Variants in AVEN observed in about 807,000 individuals in gnomAD.
AVEN encodes the protein cell death regulator Aven.
In AVEN, 41 loss-of-function variants were observed where a neutral mutation model predicts 38.1. That is an observed-to-expected ratio of 1.08 (90% CI 0.84 to 1.40). The LOEUF (loss-of-function observed/expected upper bound fraction) is 1.40. Among genes scored for constraint, AVEN ranks in the 40% most tolerant of loss-of-function variants. The pLI, the probability that AVEN is intolerant of heterozygous loss-of-function variation, is 0.00. For missense variants in AVEN, 605 were observed against 438.8 expected (o/e 1.38, Z -3.38); for synonymous variants, 206 against 171.8 (o/e 1.20, Z -1.56).
At chr15:33,853,874 G>C (rs2079363209), downstream of AVEN, among the ~76,000 whole-genome samples, 1 of 152,064 alleles carries the variant, frequency 6.6e-6, no homozygotes, top group Admixed American at 6.6e-5. Flanking sequence ...ATGCCCTATA[G>C]AGCTGAAAGA....
At chr15:34,015,974 T>C (rs1357905345) in intron 1 of AVEN, among the ~76,000 whole-genome samples, 1 of 152,212 alleles carries the variant, frequency 6.6e-6, no homozygotes, top group Non-Finnish European at 1.5e-5. Context: ...GTAACCATTA[T>C]GTGACATAAA....
At chr15:34,040,676 C>T (rs903353284), upstream of AVEN, among the ~76,000 whole-genome samples, 1 of 152,044 alleles carries the variant, frequency 6.6e-6, no homozygotes, top group Non-Finnish European at 1.5e-5. Context: ...GCCTGTAATC[C>T]CAGCATTTTG....
chr15:34,000,964 AAAAT>A (rs1224231789), intron 2 of AVEN, among the ~76,000 whole-genome samples: 1 of 152,188 alleles, frequency 6.6e-6, no homozygotes, highest in Non-Finnish European at 1.5e-5. Flanking sequence ...ATAAAATGCT[AAAAT>A]AAATAACCAA....
At chr15:33,996,232 G>A (rs1295178769) in intron 2 of AVEN, among the ~76,000 whole-genome samples, 3 of 152,232 alleles carry the variant, frequency 2.0e-5, no homozygotes, top group African/African-American at 7.2e-5. Context: ...TGCCTCTGTA[G>A]ACCCCACCCC....
intron 2 of AVEN, among the ~76,000 whole-genome samples, chr15:33,932,228 A>G (rs1298590998): frequency 1.3e-5 from 2 of 152,220 alleles, no homozygotes; most frequent in Non-Finnish European, 2.9e-5. Flanking sequence ...ACTAAATAAC[A>G]TATACCCAAT....
downstream of AVEN, among the ~76,000 whole-genome samples, chr15:33,853,885 T>C (rs1253051418): frequency 6.6e-6 from 1 of 152,118 alleles, no homozygotes; most frequent in African/African-American, 2.4e-5. Flanking sequence ...AGCTGAAAGA[T>C]AAAGACTTAA....
chr15:34,020,713 G>A (rs562100043), intron 1 of AVEN, among the ~76,000 whole-genome samples: 7 of 152,116 alleles, frequency 4.6e-5, no homozygotes, highest in Admixed American at 1.3e-4. Context: ...ACTGAATTAC[G>A]ACCTTACTCT....
intron 1 of AVEN, among the ~76,000 whole-genome samples, chr15:34,014,723 G>A (rs1013373687): frequency 1.3e-5 from 2 of 152,086 alleles, no homozygotes; most frequent in African/African-American, 2.4e-5. Flanking sequence ...TGGGAACAGC[G>A]GCTAAATATG....
rs1567460464 is a variant in AVEN, at chr15:34,003,164, C to T, written c.313G>A (p.Glu105Lys). 1.4e-5 allele frequency: 22 copies of T among 1,613,760 alleles called. No homozygotes were observed. Among genetic ancestry groups the T allele is most frequent in the Non-Finnish European group, 1.9e-5 (22 of 1,179,890 alleles). Residue 105 changes from glutamate (E) to lysine (K), a missense_variant, in exon 2 of 6, where the codon GAA becomes AAA. Glu to Lys is a moderately conservative substitution (Grantham distance 56, BLOSUM62 1). Transcript: ENST00000306730. ...DAETYGEEND[E>K]QGNYSKRKIV... ...TTTCTTTTAGAATAATTTCCCTGTTCATCATTCTCTTCTCCATAGGTCTCT... is the reference window on the plus strand; with the variant it reads ...TTTCTTTTAGAATAATTTCCCTGTTTATCATTCTCTTCTCCATAGGTCTCT...
At chr15:33,879,503 G>A (rs1891394721) in intron 2 of AVEN, among the ~76,000 whole-genome samples, 1 of 151,840 alleles carries the variant, frequency 6.6e-6, no homozygotes, top group Admixed American at 6.6e-5. Context: ...GTATACATAT[G>A]TAACTAACCT....
chr15:33,868,352 T>A lies in AVEN; in HGVS notation c.613-497A>T, dbSNP rs564200033. 4.0e-5 allele frequency among the ~76,000 whole-genome samples: 6 copies of A among 150,162 alleles called. No homozygotes were observed. In the Middle Eastern group the frequency reaches 0.014, roughly 350 times the overall value. On this transcript the variant is annotated intron_variant, in intron 4 of 5. Coordinates refer to ENST00000306730, the MANE Select transcript of AVEN (RefSeq NM_020371.3). Reference sequence around the variant, plus strand: ...TCCTGGCTAACATGGTGAAACCCTGTCTCTACTAAACAAACAAACAAACAA... The same window carrying A: ...TCCTGGCTAACATGGTGAAACCCTGACTCTACTAAACAAACAAACAAACAA...
At chr15:33,857,668 C>T (rs1467929623), downstream of AVEN, 21 of 1,365,520 alleles carry the variant, frequency 1.5e-5, no homozygotes, top group Non-Finnish European at 2.1e-5. Context: ...TTCCCCATTT[C>T]CTCTCCTTGC....
At chr15:33,996,380 AG>A (rs1261750127) in intron 2 of AVEN, among the ~76,000 whole-genome samples, 1 of 152,178 alleles carries the variant, frequency 6.6e-6, no homozygotes, top group Non-Finnish European at 1.5e-5. Flanking sequence ...TGCCTCCTCA[AG>A]TGGGTCCCTG....
rs1002213084 is a variant in AVEN at position 33,905,035 on chromosome 15, C to T, written c.446-29040G>A. 6.7e-5 allele frequency among the ~76,000 whole-genome samples: 10 copies of T among 149,166 alleles called. 1 individual carries two copies. Among genetic ancestry groups the T allele is most frequent in the African/African-American group, 2.5e-4 (10 of 39,990 alleles). ...ATCCCAGCTACTCAGGAGGCTGAGGCAGGAGAATCACTTGAACCTGGGAGG... is the reference window on the plus strand; with the variant it reads ...ATCCCAGCTACTCAGGAGGCTGAGGTAGGAGAATCACTTGAACCTGGGAGG... On this transcript the variant is annotated intron_variant, in intron 2 of 5. Coordinates refer to ENST00000306730, the MANE Select transcript of AVEN (RefSeq NM_020371.3).
chr15:33,924,230 T>C (rs565961814), intron 2 of AVEN, among the ~76,000 whole-genome samples: 60 of 151,946 alleles, frequency 3.9e-4, no homozygotes, highest in Admixed American at 1.4e-3. Context: ...ACGGTAGTCC[T>C]CTGCAGAGAA....
chr15:33,985,009 GAACCTT>G (rs1392024675), intron 2 of AVEN, among the ~76,000 whole-genome samples: 2 of 152,052 alleles, frequency 1.3e-5, no homozygotes, highest in Admixed American at 1.3e-4. Flanking sequence ...TTGACCAGCT[GAACCTT>G]TCCTGGGTTA....
chr15:33,933,945 T>G (rs1460642129), intron 2 of AVEN, among the ~76,000 whole-genome samples: 1 of 152,214 alleles, frequency 6.6e-6, no homozygotes, highest in East Asian at 1.9e-4. Context: ...GGTGATGGAA[T>G]GAGACTCTGT....
intron 2 of AVEN, chr15:33,968,964 C>T (rs1284008161): frequency 6.6e-6 from 1 of 152,044 alleles, no homozygotes; most frequent in Non-Finnish European, 1.5e-5. Flanking sequence ...ATGGAGTCTT[C>T]ATCTACCGCA....
the AVEN span, chr15:33,852,536 T>C: frequency 6.4e-6 from 1 of 155,264 alleles, no homozygotes; most frequent in African/African-American, 2.4e-5. Context: ...GCTTAAAAAA[T>C]CCAATGTAAA....
Sources: allele counts gnomAD v4.1 joint callset (sites outside exome capture counted in the v4.1 genomes callset), GRCh38; gene constraint gnomAD v4.1.1; transcripts MANE v1.5; gene names NCBI Gene and HGNC (gene_info 2026-07-23, HGNC 2026-07-21).